ZSCAN5A: variants seen among roughly 807,000 people sequenced by gnomAD.
ZSCAN5A encodes the protein zinc finger and SCAN domain-containing protein 5A.
A neutral mutation model predicts 23.7 loss-of-function variants in ZSCAN5A; 12 were observed. The ratio of observed to expected loss-of-function variants is 0.51; its 90% confidence interval spans 0.32 to 0.82. ZSCAN5A has a LOEUF of 0.82. Among genes scored for constraint, ZSCAN5A ranks in the 40% least tolerant of loss-of-function variants. The pLI, the probability that ZSCAN5A is intolerant of heterozygous loss-of-function variation, is 0.03. For missense variants in ZSCAN5A, 597 were observed against 617.9 expected (o/e 0.97, Z 0.36); for synonymous variants, 257 against 239.9 (o/e 1.07, Z -0.66).
chr19:56,222,390 C>T, intron 5 of ZSCAN5A, 64 bp from the exon 6 acceptor site: 2 of 1,583,804 alleles, frequency 1.3e-6, no homozygotes, highest in South Asian at 2.3e-5. Context: ...AAACTCATTG[C>T]AACCAAACAC....
At chr19:56,312,455 A>G (rs1262722730) in intron 2 of ZSCAN5A, 1 of 152,268 alleles carries the variant, frequency 6.6e-6, no homozygotes, top group Non-Finnish European at 1.5e-5. Context: ...AACTGTCAAA[A>G]TCATTAAAAA....
intron 2 of ZSCAN5A, among the ~76,000 whole-genome samples, chr19:56,280,256 G>A (rs951449017): frequency 1.3e-5 from 2 of 152,188 alleles, no homozygotes; most frequent in Non-Finnish European, 2.9e-5. Context: ...CTCTGTGTCA[G>A]TTCATAAGGA....
At chr19:56,296,627 T>C (rs567546777) in intron 2 of ZSCAN5A, among the ~76,000 whole-genome samples, 128 of 152,302 alleles carry the variant, frequency 8.4e-4, no homozygotes, top group African/African-American at 2.8e-3. Context: ...CAAGTGAAAC[T>C]TGTATTCCAA....
Position 56,224,789 on chromosome 19 carries a change from C to T in ZSCAN5A, c.258G>A (p.Met86Ile), listed in dbSNP as rs528793290. 2.2e-5 allele frequency: 35 copies of T among 1,609,702 alleles called. No individual in the cohort carries two copies. The South Asian group carries it at 3.8e-4, about 18-fold the overall frequency. Reference protein sequence around the residue: ...DLHTKEQILDMLVMEQFMISM... With the variant: ...DLHTKEQILDILVMEQFMISM... ...AGATCATGAACTGCTCCATCACCAG[C>T]ATGTCCAGGATCTGCTCTTTGGTGT... Residue 86 changes from methionine (M) to isoleucine (I), a missense_variant, in exon 3 of 6, where the codon ATG becomes ATA. Transcript: ENST00000683990.
intron 2 of ZSCAN5A, among the ~76,000 whole-genome samples, chr19:56,259,315 C>T (rs1451067626): frequency 1.3e-5 from 2 of 152,218 alleles, no homozygotes; most frequent in East Asian, 1.9e-4. Flanking sequence ...CCACCAGCCT[C>T]GGACTCCCAA....
intron 2 of ZSCAN5A, among the ~76,000 whole-genome samples, chr19:56,255,326 G>A (rs551518653): frequency 1.3e-5 from 2 of 152,256 alleles, no homozygotes; most frequent in East Asian, 3.9e-4. Context: ...CCGGCTGAGC[G>A]CACAAGGTGG....
chr19:56,332,198 A>G lies in ZSCAN5A; in HGVS notation c.-357-15930T>C, dbSNP rs577090797. Among the ~76,000 whole-genome samples, 9 of 152,252 alleles carry G rather than the reference A, an allele frequency of 5.9e-5. No homozygotes were observed. In the South Asian group the frequency reaches 1.9e-3, roughly 32 times the overall value. The stretch of plus-strand genomic sequence containing the variant: ...TTAGGGCCAATTGGTCAAGTGTCAG[A>G]TTTAAGTCCAGGTTTCTTTGTTAGT... On this transcript the variant is annotated intron_variant, in intron 2 of 6. Coordinates refer to the ZSCAN5A transcript ENST00000587340.
intron 2 of ZSCAN5A, among the ~76,000 whole-genome samples, chr19:56,339,365 C>T (rs1177035394): frequency 2.1e-5 from 3 of 140,404 alleles, no homozygotes; most frequent in East Asian, 4.2e-4. Flanking sequence ...TGTGAAGGAG[C>T]GGCTGTAGCC....
chr19:56,263,972 CT>C (rs35570967), intron 2 of ZSCAN5A, among the ~76,000 whole-genome samples: 173 of 140,268 alleles, frequency 1.2e-3, no homozygotes, highest in South Asian at 7.3e-3. Context: ...CCAAGAAAAA[CT>C]TTTTTTTTTT....
At chr19:56,357,594 C>T (rs193271048) in intron 2 of ZSCAN5A, among the ~76,000 whole-genome samples, 2 of 146,938 alleles carry the variant, frequency 1.4e-5, no homozygotes, top group Admixed American at 1.3e-4. Flanking sequence ...GAAAAAAAAT[C>T]AAATTCAAAT....
At chr19:56,264,753 T>C (rs544078260) in intron 2 of ZSCAN5A, among the ~76,000 whole-genome samples, 9 of 152,292 alleles carry the variant, frequency 5.9e-5, no homozygotes, top group Admixed American at 2.0e-4. Flanking sequence ...AAGACAAAAA[T>C]AGTTACTATC....
intron 2 of ZSCAN5A, among the ~76,000 whole-genome samples, chr19:56,227,214 T>A (rs1383112758): frequency 6.6e-6 from 1 of 152,246 alleles, no homozygotes; most frequent in Non-Finnish European, 1.5e-5. Context: ...GTAGGGCATA[T>A]GAATATTAGC....
chr19:56,288,966 A>G (rs2039329573), intron 2 of ZSCAN5A, among the ~76,000 whole-genome samples: 1 of 152,206 alleles, frequency 6.6e-6, no homozygotes, highest in Non-Finnish European at 1.5e-5. Flanking sequence ...CTCCTTTAAG[A>G]AAATGCCAGG....
At chr19:56,363,946 A>G (rs1162045995) in intron 1 of ZSCAN5A, among the ~76,000 whole-genome samples, 1 of 152,232 alleles carries the variant, frequency 6.6e-6, no homozygotes, top group Non-Finnish European at 1.5e-5. Flanking sequence ...CCTATTTTCA[A>G]GAGAAGAATT....
rs909075790 is a variant in ZSCAN5A at position 56,222,495 on chromosome 19, G to C, written c.739+96C>G. On this transcript the variant is annotated intron_variant, in intron 5 of 5. Transcript: ENST00000683990. The stretch of plus-strand genomic sequence containing the variant: ...AGGATGGGGAGGCTTTGACAGCTGA[G>C]TGCCAACTCCCCCAGGGGATGATAA... 3.9e-6 allele frequency: 6 copies of C among 1,557,542 alleles called. No homozygotes were observed. The African/African-American group carries it at 6.9e-5, about 18-fold the overall frequency.
intron 2 of ZSCAN5A, chr19:56,348,294 G>A (rs1600298126): frequency 6.6e-6 from 1 of 152,076 alleles, no homozygotes; most frequent in Admixed American, 6.5e-5. Flanking sequence ...GACCGTAAGG[G>A]GCATCTCAGG....
rs1568603105 is a variant in ZSCAN5A at position 56,222,316 on chromosome 19, C to G, written c.750G>C (p.Val250=). 1 of 1,611,186 alleles carries G rather than the reference C, an allele frequency of 6.2e-7. No individual in the cohort carries two copies. Among genetic ancestry groups the G allele is most frequent in the Non-Finnish European group, 8.5e-7 (1 of 1,179,650 alleles). The change falls in exon 6 of 6, where the codon GTG becomes GTC. Residue 250 remains valine, a synonymous_variant. Coordinates refer to ENST00000683990, the MANE Select transcript of ZSCAN5A (RefSeq NM_001322064.3). The part of the protein sequence containing the change: ...PQLPKSPTDL[V]RAKEGKDPPK... ...GGGGGTCCTTCCCCTCCTTTGCTCT[C>G]ACCAGATCTGCTGGAAGAAGGGATT...
chr19:56,222,528 C>T (rs1042343636), intron 5 of ZSCAN5A, 63 bp downstream of exon 5: 1 of 1,578,498 alleles, frequency 6.3e-7, no homozygotes, highest in African/African-American at 1.4e-5. Context: ...TAATGCTGGG[C>T]CCCCAGCCCC....
Position 56,264,226 on chromosome 19 carries a change from C to T in ZSCAN5A, c.-127-39053G>A, listed in dbSNP as rs141262298. ...GGCCAGGCTGGTCTCGAACTCCTGA[C>T]CTCAAGTGATCCACCTGCCTCAACC... On this transcript the variant is annotated intron_variant, in intron 2 of 5. Transcript: ENST00000683990. Among the ~76,000 whole-genome samples, 898 of 152,240 alleles carry T rather than the reference C, an allele frequency of 5.9e-3. 15 individuals carry two copies. The highest frequency in any genetic ancestry group is 0.023 in the East Asian group (120 of 5,182).
Sources: gnomAD v4.1 joint callset for allele counts (sites outside exome capture counted in the v4.1 genomes callset) on GRCh38, gnomAD v4.1.1 for gene constraint, MANE v1.5 for transcripts, NCBI Gene and HGNC (gene_info 2026-07-23, HGNC 2026-07-21) for gene names.